USP43: variants seen among roughly 807,000 people sequenced by gnomAD.
USP43 encodes ubiquitin specific peptidase 43, also known as ubiquitin carboxyl-terminal hydrolase 43.
USP43 carries 33 observed loss-of-function variants against 90.7 expected under a neutral mutation model. That is an observed-to-expected ratio of 0.36 (90% CI 0.28 to 0.49). USP43 has a LOEUF of 0.49. USP43 is among the 20% of genes least tolerant of loss of function. The probability of loss-of-function intolerance (pLI) is 0.98; values close to 1 mark genes in which losing one functional copy is unlikely to be tolerated. For missense variants in USP43, 1,274 were observed against 1,476.4 expected (o/e 0.86, Z 2.25); for synonymous variants, 598 against 615.8 (o/e 0.97, Z 0.43).
chr17:9,681,965 T>C (rs1405255167), intron 6 of USP43, among the ~76,000 whole-genome samples: 2 of 152,178 alleles, frequency 1.3e-5, no homozygotes, highest in African/African-American at 2.4e-5. Context: ...GAACAAGACA[T>C]TAACTGACAC....
At chr17:9,710,427 T>C (rs1916121432) in intron 13 of USP43, among the ~76,000 whole-genome samples, 1 of 151,294 alleles carries the variant, frequency 6.6e-6, no homozygotes, top group East Asian at 2.0e-4. Context: ...GTGTATGTAA[T>C]GTAAACTGAT....
chr17:9,654,992 C>A (rs750461046), intron 1 of USP43, among the ~76,000 whole-genome samples: 1 of 151,434 alleles, frequency 6.6e-6, no homozygotes, highest in African/African-American at 2.4e-5. Flanking sequence ...TCCGCCTCGG[C>A]CTCCCAAATT....
intron 10 of USP43, 79 bp downstream of exon 10, chr17:9,700,328 C>G (rs2151987757): frequency 7.2e-7 from 1 of 1,393,556 alleles, no homozygotes; most frequent in Non-Finnish European, 9.9e-7. Flanking sequence ...CGCAGCTTCC[C>G]CCAGCACGGC....
chr17:9,667,671 A>G (rs924899249), intron 3 of USP43, among the ~76,000 whole-genome samples: 1 of 152,178 alleles, frequency 6.6e-6, no homozygotes, highest in Non-Finnish European at 1.5e-5. Context: ...GTCAACAGGA[A>G]CAAATGCAAG....
chr17:9,684,743 A>C (rs1172658776), intron 7 of USP43, among the ~76,000 whole-genome samples: 2 of 149,168 alleles, frequency 1.3e-5, no homozygotes, highest in Admixed American at 6.7e-5. Flanking sequence ...AGCCTGGGCA[A>C]CAAGAGTGAA....
chr17:9,656,338 A>G, intron 1 of USP43, 65 bp from the exon 2 acceptor site: 1 of 1,563,854 alleles, frequency 6.4e-7, no homozygotes, highest in Non-Finnish European at 8.7e-7. Context: ...CCTGGTGCTC[A>G]CAGAGCCTTC....
At chr17:9,726,707 G>T (rs1416557331) in intron 14 of USP43, among the ~76,000 whole-genome samples, 2 of 152,144 alleles carry the variant, frequency 1.3e-5, no homozygotes, top group African/African-American at 4.8e-5. Flanking sequence ...AATCTCAGGG[G>T]ACACAAACCT....
At chr17:9,651,419 T>C (rs1911852139) in intron 1 of USP43, among the ~76,000 whole-genome samples, 1 of 152,202 alleles carries the variant, frequency 6.6e-6, no homozygotes, top group African/African-American at 2.4e-5. Flanking sequence ...CTTGAACTCC[T>C]GACCTGTGAG....
At chr17:9,690,083 C>T (rs1914844401) in intron 8 of USP43, among the ~76,000 whole-genome samples, 1 of 152,134 alleles carries the variant, frequency 6.6e-6, no homozygotes, top group Non-Finnish European at 1.5e-5. Flanking sequence ...AGCCCAGTTC[C>T]AGTTTACCCA....
At chr17:9,658,712 T>C (rs936776449) in intron 2 of USP43, among the ~76,000 whole-genome samples, 4 of 152,192 alleles carry the variant, frequency 2.6e-5, no homozygotes, top group African/African-American at 9.7e-5. Flanking sequence ...TTTAACTTAG[T>C]CTCACTTAAG....
At chr17:9,675,616 T>C (rs150978098) in intron 4 of USP43, among the ~76,000 whole-genome samples, 26 of 152,130 alleles carry the variant, frequency 1.7e-4, no homozygotes, top group African/African-American at 6.3e-4. Flanking sequence ...CTCTTTATGT[T>C]CCCCACCTCC....
At chr17:9,669,018 T>A (rs6503237) in intron 3 of USP43, among the ~76,000 whole-genome samples, 50,656 of 150,414 alleles carry the variant, frequency 0.34, 9,557 homozygotes, top group African/African-American at 0.53. Context: ...TTTTTTTTTT[T>A]AATTTTTAGT....
At position 9,682,939 on chromosome 17, in the gene USP43, T is replaced by G; in HGVS notation, c.1222T>G (p.Ser408Ala). The G allele has an allele frequency of 2.5e-6, 4 of 1,613,872 alleles. No homozygotes were observed. The highest frequency in any genetic ancestry group is 3.4e-6 in the Non-Finnish European group (4 of 1,179,820). The change falls in exon 7 of 15, where the codon TCA becomes GCA. Residue 408 changes from serine to alanine, a missense_variant. By Grantham distance (99) the Ser-to-Ala change is moderately conservative (BLOSUM62 1). This residue lies in a region of USP43 where 253 missense variants were observed against 276.0 expected (regional missense o/e 0.92). Transcript: ENST00000285199. The stretch of plus-strand genomic sequence containing the variant: ...AATCCTCTTCTGTAACTTGGTGGGG[T>G]CAGGGCAGCAGGCTAGCAGGTATGT... ...VLILFCNLVG[S>A]GQQASRFGPP...
At chr17:9,715,927 G>C (rs1300502637) in intron 14 of USP43, among the ~76,000 whole-genome samples, 1 of 151,018 alleles carries the variant, frequency 6.6e-6, no homozygotes, top group African/African-American at 2.4e-5. Flanking sequence ...ATATGTGTCT[G>C]TGTGTGTGTT....
intron 5 of USP43, among the ~76,000 whole-genome samples, chr17:9,677,336 G>A (rs1913849854): frequency 6.6e-6 from 1 of 152,206 alleles, no homozygotes; most frequent in East Asian, 1.9e-4. Flanking sequence ...CCAGGATTTG[G>A]ATTTCGATGG....
chr17:9,683,333 A>G (rs953954015), intron 7 of USP43, among the ~76,000 whole-genome samples: 4 of 152,180 alleles, frequency 2.6e-5, no homozygotes, highest in African/African-American at 9.7e-5. Flanking sequence ...CAGTAAGGAA[A>G]GGGTTCAGGA....
intron 2 of USP43, among the ~76,000 whole-genome samples, chr17:9,660,298 G>A (rs1357406311): frequency 1.3e-5 from 2 of 152,048 alleles, no homozygotes; most frequent in Admixed American, 6.6e-5. Flanking sequence ...CTACAGGCGT[G>A]TGCCACCATG....
intron 12 of USP43, among the ~76,000 whole-genome samples, chr17:9,708,670 C>A (rs187074991): frequency 3.2e-4 from 48 of 152,186 alleles, no homozygotes; most frequent in African/African-American, 1.2e-3. Flanking sequence ...CTGTGTTGCC[C>A]GGGTTGGAGT....
Position 9,709,886 on chromosome 17 carries a change from T to C in USP43, c.2012-70T>C, listed in dbSNP as rs1233573904. ...TTTAAACATACCGCTTTTTCAGCTA[T>C]GCCAGTGGGAAATGTCTTCCTACCT... On this transcript the variant is annotated intron_variant, in intron 12 of 14. Coordinates refer to ENST00000285199, the MANE Select transcript of USP43 (RefSeq NM_153210.5). This position sits in a 1 kb window ranked among gnomAD's most constrained non-coding sequence, Gnocchi z 5.0. 21 of 1,348,364 alleles carry C rather than the reference T, an allele frequency of 1.6e-5. No individual in the cohort carries two copies. The highest frequency in any genetic ancestry group is 3.1e-5 in the Admixed American group (1 of 32,688). 83.5% of individuals were successfully genotyped at this position (1,348,364 alleles called of 1,614,324 possible).
Sources: allele counts gnomAD v4.1 joint callset (sites outside exome capture counted in the v4.1 genomes callset), GRCh38; gene constraint gnomAD v4.1.1; regional missense constraint gnomAD v4.1.1; non-coding constraint Gnocchi (gnomAD v3.1); transcripts MANE v1.5; gene names NCBI Gene and HGNC (gene_info 2026-07-23, HGNC 2026-07-21).